Variants in ECPAS observed in about 807,000 individuals in gnomAD.
ECPAS encodes the protein Ecm29 proteasome adaptor and scaffold, also known as proteasome adapter and scaffold protein ECM29.
A neutral mutation model predicts 255.1 loss-of-function variants in ECPAS; 70 were observed. The ratio of observed to expected loss-of-function variants is 0.27; its 90% CI spans 0.23 to 0.33. The LOEUF (loss-of-function observed/expected upper bound fraction) is 0.33, where lower values mean the gene tolerates loss of function less well. Ranked by LOEUF, ECPAS falls within the 10% of genes least tolerant of loss-of-function variation. The pLI, the probability that ECPAS is intolerant of heterozygous loss-of-function variation, is 1.00. For missense variants in ECPAS, 1,817 were observed against 2,206.4 expected (o/e 0.82, Z 3.54); for synonymous variants, 784 against 775.0 (o/e 1.01, Z -0.19).
chr9:111,393,575 A>T (rs940191679), intron 27 of ECPAS, 105 bp downstream of exon 27: 5 of 776,130 alleles, frequency 6.4e-6, no homozygotes, highest in Non-Finnish European at 1.1e-5. Context: ...AATTGTTTTA[A>T]TCACACAGCT....
At chr9:111,451,257 A>C (rs951727195) in intron 3 of ECPAS, among the ~76,000 whole-genome samples, 168 bp downstream of exon 3, 1 of 152,228 alleles carries the variant, frequency 6.6e-6, no homozygotes, top group Non-Finnish European at 1.5e-5. Flanking sequence ...TAAGGATACA[A>C]GAGCTACTTT....
rs1175256553 is a variant in ECPAS, at chr9:111,372,555, A to T, written c.4402T>A (p.Leu1468Ile). Residue 1468 changes from leucine (L) to isoleucine (I), a missense_variant, in exon 42 of 50, where the codon TTA becomes ATA. By Grantham distance (5) the Leu-to-Ile change is conservative (BLOSUM62 2). Transcript: ENST00000684092. The part of the protein sequence containing the change: ...HAIGRYSPDV[L>I]KNHAKEVLPL... ...AGGACTTCTTTTGCATGATTCTTTA[A>T]TACATCAGGGCTGTATCGTCCAATA... is the stretch of plus-strand genomic sequence containing the variant. The T allele has an allele frequency of 6.2e-7, 1 of 1,613,732 alleles. No individual in the cohort carries two copies. The highest frequency in any genetic ancestry group is 2.2e-5 in the East Asian group (1 of 44,860).
chr9:111,480,184 C>T (rs2098302393), intron 1 of ECPAS, among the ~76,000 whole-genome samples: 1 of 149,762 alleles, frequency 6.7e-6, no homozygotes, highest in South Asian at 2.1e-4. Flanking sequence ...GAGAACAATG[C>T]TGGCATCTAG....
Position 111,422,098 on chromosome 9 carries a change from A to C in ECPAS, c.1332+36T>G, listed in dbSNP as rs761896677. The C allele has an allele frequency of 1.9e-6, 3 of 1,613,744 alleles. No individual in the cohort carries two copies. In the South Asian group the frequency reaches 3.3e-5, roughly 18 times the overall value. ...TTGTTGGGTTCCCAGGGGAACATCC[A>C]AACACAAAGCATAAACTTAGCAGCT... On this transcript the variant is annotated intron_variant, in intron 14 of 49. Coordinates refer to ENST00000684092, the MANE Select transcript of ECPAS (RefSeq NM_001364929.1).
intron 7 of ECPAS, among the ~76,000 whole-genome samples, chr9:111,434,730 C>T (rs1315485089): frequency 6.6e-6 from 1 of 151,658 alleles, no homozygotes; most frequent in African/African-American, 2.4e-5. Flanking sequence ...GCTGGGGCTA[C>T]AGGCACACAC....
chr9:111,365,100 G>A (rs1296620348), intron 48 of ECPAS, among the ~76,000 whole-genome samples: 6 of 151,502 alleles, frequency 4.0e-5, no homozygotes, highest in Non-Finnish European at 5.9e-5. Context: ...GTGAAACCCC[G>A]TCTCTACTAA....
intron 24 of ECPAS, among the ~76,000 whole-genome samples, chr9:111,397,497 T>C (rs1367599486): frequency 2.0e-5 from 3 of 152,170 alleles, no homozygotes; most frequent in Admixed American, 6.5e-5. Flanking sequence ...CAATATAAAT[T>C]CTAGCTATCT....
chr9:111,382,328 A>G (rs1324254476), intron 35 of ECPAS, among the ~76,000 whole-genome samples: 1 of 144,984 alleles, frequency 6.9e-6, no homozygotes, highest in Non-Finnish European at 1.5e-5. Context: ...GCAATGGCGC[A>G]ATCTGGGCTC....
chr9:111,399,371 T>C (rs1440647786), intron 24 of ECPAS, among the ~76,000 whole-genome samples: 2 of 152,184 alleles, frequency 1.3e-5, no homozygotes, highest in African/African-American at 4.8e-5. Flanking sequence ...AAGTACACAC[T>C]GCCTATACCA....
chr9:111,401,303 C>T (rs1321405883), intron 24 of ECPAS, among the ~76,000 whole-genome samples: 1 of 152,106 alleles, frequency 6.6e-6, no homozygotes, highest in Non-Finnish European at 1.5e-5. Flanking sequence ...GCTGGGCCTG[C>T]GGGGGTGCCG....
chr9:111,468,264 A>AT (rs751072397), intron 2 of ECPAS, among the ~76,000 whole-genome samples: 2 of 152,204 alleles, frequency 1.3e-5, no homozygotes, highest in Non-Finnish European at 2.9e-5. Flanking sequence ...AGCAAGTAGT[A>AT]TTAGCTCCAA....
At position 111,394,234 on chromosome 9, in the gene ECPAS, G is replaced by A; in HGVS notation, c.2848C>T (p.Pro950Ser). The A allele has an allele frequency of 1.2e-6, 2 of 1,606,812 alleles. No homozygotes were observed. Among genetic ancestry groups the A allele is most frequent in the Non-Finnish European group, 1.7e-6 (2 of 1,176,296 alleles). Reference sequence around the variant, plus strand: ...ATGCAGGCTGCTTGCCTCACGTGTGGGTTGGGGCTGATGATATGTTTATTT... The same window carrying A: ...ATGCAGGCTGCTTGCCTCACGTGTGAGTTGGGGCTGATGATATGTTTATTT... The part of the protein sequence containing the change: ...ILNKHIISPN[P>S]HVRQAACIWL... Residue 950 changes from proline to serine, a missense_variant, in exon 26 of 50, where the codon CCA becomes TCA. By Grantham distance (74) the Pro-to-Ser change is moderately conservative (BLOSUM62 -1). Coordinates refer to ENST00000684092, the MANE Select transcript of ECPAS (RefSeq NM_001364929.1).
At chr9:111,407,153 GCA>G (rs1034097420) in intron 24 of ECPAS, among the ~76,000 whole-genome samples, 11 of 145,914 alleles carry the variant, frequency 7.5e-5, no homozygotes, top group Non-Finnish European at 1.6e-4. Flanking sequence ...TGTAATCCCA[GCA>G]CTTTGGGAGG....
chr9:111,371,812 G>T lies in ECPAS; in HGVS notation c.4546C>A (p.Arg1516=), dbSNP rs1477846041. Residue 1516 remains arginine, a synonymous_variant, in exon 43 of 50, where the codon CGA becomes AGA. Transcript: ENST00000684092. ...GTAATTAACTCCTGCAGGTATAATCGAATGCCACCAAAGGATCCTAGGAAA... is the reference window on the plus strand; with the variant it reads ...GTAATTAACTCCTGCAGGTATAATCTAATGCCACCAAAGGATCCTAGGAAA... ...ENVPGSFGGI[R]LYLQELITIT... The T allele has an allele frequency of 1.2e-6, 2 of 1,611,778 alleles. No individual in the cohort carries two copies. The highest frequency in any genetic ancestry group is 1.7e-6 in the Non-Finnish European group (2 of 1,178,322).
chr9:111,396,314 A>G (rs2098167563), intron 25 of ECPAS, among the ~76,000 whole-genome samples: 1 of 152,228 alleles, frequency 6.6e-6, no homozygotes, highest in Admixed American at 6.5e-5. Flanking sequence ...TGTTCCCTCA[A>G]CTATATGCTG....
chr9:111,435,345 T>C (rs1057207442), intron 7 of ECPAS, among the ~76,000 whole-genome samples: 3 of 152,228 alleles, frequency 2.0e-5, no homozygotes, highest in African/African-American at 7.2e-5. Context: ...TCCCTGAAAC[T>C]AAACTGTTCG....
rs57484942 is a variant in ECPAS, at chr9:111,403,360, GA to G, written c.2652+5210del. Among the ~76,000 whole-genome samples, 402 of 128,198 alleles carry G rather than the reference GA, an allele frequency of 3.1e-3. 11 individuals are homozygous for G. The highest frequency in any genetic ancestry group is 0.01 in the African/African-American group (334 of 33,036). The allele number at this position is 128,198 out of a possible 152,430, so 84.1% of individuals were successfully genotyped here. Reference sequence around the variant, plus strand: ...ATGGAGCGAGACTCCATCTCCGAAAGAAAAAAAAAAAGACTTCACCTATAAA... The same window carrying G: ...ATGGAGCGAGACTCCATCTCCGAAAGAAAAAAAAAAGACTTCACCTATAAA... On this transcript the variant is annotated intron_variant, in intron 24 of 49. Coordinates refer to ENST00000684092, the MANE Select transcript of ECPAS (RefSeq NM_001364929.1).
At chr9:111,384,496 T>C in intron 34 of ECPAS, 26 bp downstream of exon 34, 1 of 1,606,674 alleles carries the variant, frequency 6.2e-7, no homozygotes, top group Non-Finnish European at 8.5e-7. Context: ...CTCCACTCCA[T>C]TCCCAATGTA....
chr9:111,430,919 G>A (rs1166789733), intron 8 of ECPAS, among the ~76,000 whole-genome samples: 1 of 152,170 alleles, frequency 6.6e-6, no homozygotes, highest in Non-Finnish European at 1.5e-5. Flanking sequence ...TTCCTACATA[G>A]ATGGGTTCTC....
Sources: gnomAD v4.1 joint callset for allele counts (sites outside exome capture counted in the v4.1 genomes callset) on GRCh38, gnomAD v4.1.1 for gene constraint, MANE v1.5 for transcripts, NCBI Gene and HGNC (gene_info 2026-07-23, HGNC 2026-07-21) for gene names.